Variants in STIM2 observed in about 807,000 individuals in gnomAD.
STIM2 encodes the protein stromal interaction molecule 2.
STIM2 carries 31 observed loss-of-function variants against 85.8 expected under a neutral mutation model. The ratio of observed to expected loss-of-function variants is 0.36; its 90% CI spans 0.27 to 0.49. The LOEUF (loss-of-function observed/expected upper bound fraction) is 0.49, where lower values mean the gene tolerates loss of function less well. Among genes scored for constraint, STIM2 ranks in the 20% least tolerant of loss-of-function variants. The pLI, the probability that STIM2 is intolerant of heterozygous loss-of-function variation, is 0.98. For synonymous variants in STIM2, 356 were observed against 331.1 expected (o/e 1.08, Z -0.82); for missense variants, 841 against 927.6 (o/e 0.91, Z 1.21).
At chr4:26,893,120 A>T (rs1723556972) in intron 1 of STIM2, among the ~76,000 whole-genome samples, 1 of 152,206 alleles carries the variant, frequency 6.6e-6, no homozygotes, top group African/African-American at 2.4e-5. Context: ...TTTAGAGTGA[A>T]ACATATTTGG....
Position 27,002,286 on chromosome 4 carries a change from G to A in STIM2, c.695G>A (p.Trp232Ter). 1 of 1,613,584 alleles carries A rather than the reference G, an allele frequency of 6.2e-7. No homozygotes were observed. The highest frequency in any genetic ancestry group is 8.5e-7 in the Non-Finnish European group (1 of 1,179,854). Residue 232 changes from tryptophan (W) to a stop codon, truncating the protein, a stop_gained, in exon 6 of 12, where the codon TGG (tryptophan) becomes TAG (stop). Transcript: ENST00000467087. LOFTEE classifies it high-confidence loss of function. ...ATAGTAATTGGTGTTGGAGGCTGCT[G>A]GTTTGCTTATACGCAGAATAAGACA...
chr4:26,885,519 A>G (rs924434962), intron 1 of STIM2, among the ~76,000 whole-genome samples: 5 of 152,070 alleles, frequency 3.3e-5, no homozygotes, highest in African/African-American at 9.7e-5. Flanking sequence ...ATTTTTTGGT[A>G]TCTGCTAAGA....
At chr4:26,886,588 T>G (rs139598090) in intron 1 of STIM2, among the ~76,000 whole-genome samples, 2 of 152,260 alleles carry the variant, frequency 1.3e-5, no homozygotes, top group African/African-American at 4.8e-5. Context: ...TGGGCCCTGA[T>G]GGATACCATT....
At chr4:26,871,704 CTT>C (rs35869869) in intron 1 of STIM2, among the ~76,000 whole-genome samples, 34 of 129,480 alleles carry the variant, frequency 2.6e-4, no homozygotes, top group African/African-American at 6.6e-4. Context: ...TGTTTTCACC[CTT>C]TTTTTTTTTT....
chr4:26,869,966 T>C (rs1221206697), intron 1 of STIM2, among the ~76,000 whole-genome samples: 3 of 151,952 alleles, frequency 2.0e-5, no homozygotes, highest in Non-Finnish European at 4.4e-5. Context: ...CCATGAAATA[T>C]TATTCAGCAT....
chr4:26,873,386 T>A lies in STIM2; in HGVS notation c.151+12017T>A, dbSNP rs563140367. 6.0e-5 allele frequency among the ~76,000 whole-genome samples: 9 copies of A among 150,078 alleles called. No homozygotes were observed. In the South Asian group the frequency reaches 1.9e-3, roughly 32 times the overall value. ...CTCCACTCCAGCCTGGGTGACAGAG[T>A]GAGACTCCGTCTTTAAAAAAAAAAA... On this transcript the variant is annotated intron_variant, in intron 1 of 11. Transcript: ENST00000467087.
At chr4:27,000,050 ATG>A (rs1728094789) in intron 5 of STIM2, among the ~76,000 whole-genome samples, 1 of 138,484 alleles carries the variant, frequency 7.2e-6, no homozygotes, top group East Asian at 3.1e-4. Flanking sequence ...TAAAGGAATT[ATG>A]TTTTTTTTTT....
intron 10 of STIM2, among the ~76,000 whole-genome samples, chr4:27,010,638 C>T (rs1728526935): frequency 1.3e-5 from 2 of 152,018 alleles, no homozygotes; most frequent in South Asian, 4.1e-4. Flanking sequence ...TAGGGAAGGA[C>T]GAAGGCTCTT....
At chr4:26,863,435 A>G (rs1418483686) in intron 1 of STIM2, among the ~76,000 whole-genome samples, 2 of 152,160 alleles carry the variant, frequency 1.3e-5, no homozygotes, top group Non-Finnish European at 1.5e-5. Flanking sequence ...AATAGCACCC[A>G]TATCTTGGTA....
intron 1 of STIM2, among the ~76,000 whole-genome samples, chr4:26,906,062 T>A (rs1038094246): frequency 1.3e-5 from 2 of 152,182 alleles, no homozygotes; most frequent in Non-Finnish European, 2.9e-5. Context: ...CATTATTTTT[T>A]AAAAATTAAG....
intron 3 of STIM2, among the ~76,000 whole-genome samples, chr4:26,983,292 G>T (rs1727470143): frequency 6.6e-6 from 1 of 152,184 alleles, no homozygotes; most frequent in Admixed American, 6.5e-5. Flanking sequence ...GGTCCCCTAT[G>T]AATGGGGAGC....
At chr4:26,872,115 T>C (rs538334280) in intron 1 of STIM2, among the ~76,000 whole-genome samples, 7 of 152,324 alleles carry the variant, frequency 4.6e-5, no homozygotes, top group African/African-American at 1.4e-4. Context: ...GGTAGGATAG[T>C]TGTAGAAATG....
intron 3 of STIM2, among the ~76,000 whole-genome samples, chr4:26,983,389 ATTAG>A (rs1220082920): frequency 6.6e-6 from 1 of 152,254 alleles, no homozygotes; most frequent in Non-Finnish European, 1.5e-5. Flanking sequence ...CACTGATAAT[ATTAG>A]TTAAACCACT....
At chr4:26,980,021 C>G (rs1727326245) in intron 3 of STIM2, among the ~76,000 whole-genome samples, 1 of 152,194 alleles carries the variant, frequency 6.6e-6, no homozygotes, top group Admixed American at 6.5e-5. Context: ...ATCTTGGCCT[C>G]CCAAAGTGCC....
At chr4:26,971,489 A>G (rs561700365) in intron 3 of STIM2, among the ~76,000 whole-genome samples, 48 of 152,224 alleles carry the variant, frequency 3.2e-4, no homozygotes, top group Non-Finnish European at 6.3e-4. Context: ...AGCACCATGT[A>G]TTAAATAGGG....
At chr4:26,928,565 A>C (rs1405272769) in intron 2 of STIM2, among the ~76,000 whole-genome samples, 1 of 152,138 alleles carries the variant, frequency 6.6e-6, no homozygotes. Context: ...TAGAGATGAG[A>C]GTCTTGCTGT....
chr4:26,976,034 G>A (rs542454358), intron 3 of STIM2, among the ~76,000 whole-genome samples: 3 of 152,350 alleles, frequency 2.0e-5, no homozygotes, highest in South Asian at 2.1e-4. Flanking sequence ...GCAAGGCTTC[G>A]TGGGTGTGGG....
intron 7 of STIM2, 128 bp downstream of exon 7, chr4:27,003,232 T>C: frequency 2.4e-6 from 2 of 841,756 alleles, no homozygotes; most frequent in Non-Finnish European, 3.4e-6. Flanking sequence ...AAAAGACTCA[T>C]TTGTTTATGT....
At chr4:26,874,674 A>AT (rs1217205424) in intron 1 of STIM2, among the ~76,000 whole-genome samples, 3 of 152,228 alleles carry the variant, frequency 2.0e-5, no homozygotes, top group East Asian at 1.9e-4. Context: ...AGTCTCACAG[A>AT]TTTTAAGAAC....
Sources: allele counts gnomAD v4.1 joint callset (sites outside exome capture counted in the v4.1 genomes callset), GRCh38; gene constraint gnomAD v4.1.1; transcripts MANE v1.5; gene names NCBI Gene and HGNC (gene_info 2026-07-23, HGNC 2026-07-21).